ADGRL2: variants seen among roughly 807,000 people sequenced by gnomAD.
ADGRL2 encodes the protein calcium-independent alpha-latrotoxin receptor 2.
In ADGRL2, 44 loss-of-function variants were observed where a neutral mutation model predicts 157.4. The observed-to-expected ratio is 0.28, with a 90% CI of 0.22 to 0.36. The LOEUF (loss-of-function observed/expected upper bound fraction) is 0.36, where lower values mean the gene tolerates loss of function less well. ADGRL2 is among the 10% of genes least tolerant of loss of function. The pLI, the probability that ADGRL2 is intolerant of heterozygous loss-of-function variation, is 1.00. For synonymous variants in ADGRL2, 585 were observed against 624.7 expected, an observed-to-expected ratio of 0.94 and a Z score of 0.95; for missense variants, 1,510 against 1,768.9, an observed-to-expected ratio of 0.85 and a Z score of 2.63.
At chr1:81,715,545 G>C (rs1203627701) in intron 1 of ADGRL2, among the ~76,000 whole-genome samples, 1 of 152,120 alleles carries the variant, frequency 6.6e-6, no homozygotes, top group African/African-American at 2.4e-5. Context: ...CTGGACATAA[G>C]AAAAGGAGGC....
intron 2 of ADGRL2, chr1:81,502,608 A>G: frequency 6.2e-6 from 10 of 1,614,006 alleles, no homozygotes; most frequent in Non-Finnish European, 7.6e-6. Context: ...GAGATCACCA[A>G]AGGCCTAAAC....
intron 1 of ADGRL2, among the ~76,000 whole-genome samples, chr1:81,378,031 T>C (rs1456060124): frequency 6.6e-6 from 1 of 151,928 alleles, no homozygotes; most frequent in Non-Finnish European, 1.5e-5. Flanking sequence ...ATACAAAAAT[T>C]AGCTGGGCGT....
intron 3 of ADGRL2, among the ~76,000 whole-genome samples, chr1:81,680,753 T>C (rs558754965): frequency 1.6e-4 from 25 of 152,220 alleles, no homozygotes; most frequent in Non-Finnish European, 2.9e-4. Context: ...AAGGGGCAAG[T>C]ATGAAAATAT....
intron 3 of ADGRL2, among the ~76,000 whole-genome samples, chr1:81,682,103 A>ATGTG (rs57943530): frequency 0.018 from 2,701 of 148,024 alleles, 51 homozygotes; most frequent in African/African-American, 0.052. Context: ...ATACATATAT[A>ATGTG]TGTGTGTGTG....
chr1:81,582,244 A>T (rs2080931565), intron 3 of ADGRL2, among the ~76,000 whole-genome samples: 1 of 152,034 alleles, frequency 6.6e-6, no homozygotes, highest in African/African-American at 2.4e-5. Context: ...TTTTAGTTAA[A>T]AATATGTTAA....
chr1:81,764,398 T>C (rs1403594687), intron 2 of ADGRL2, among the ~76,000 whole-genome samples: 2 of 152,164 alleles, frequency 1.3e-5, no homozygotes, highest in African/African-American at 4.8e-5. Flanking sequence ...AGTTATATCT[T>C]ACTGTCTTGA....
chr1:81,811,915 G>A (rs958123097), intron 1 of ADGRL2, among the ~76,000 whole-genome samples: 10 of 151,362 alleles, frequency 6.6e-5, no homozygotes, highest in Non-Finnish European at 1.3e-4. Context: ...CTGGTGCTGT[G>A]TAAGCAAGGT....
At chr1:81,786,454 T>C (rs1311799204) in intron 2 of ADGRL2, among the ~76,000 whole-genome samples, 1 of 152,078 alleles carries the variant, frequency 6.6e-6, no homozygotes, top group African/African-American at 2.4e-5. Flanking sequence ...TGCACACCTA[T>C]AATCCCAGCT....
chr1:81,487,478 C>T (rs922707451), intron 2 of ADGRL2, among the ~76,000 whole-genome samples: 1 of 152,054 alleles, frequency 6.6e-6, no homozygotes, highest in African/African-American at 2.4e-5. Flanking sequence ...AACCACGTCT[C>T]TACTAAAAAT....
chr1:81,614,482 T>C (rs2081603534), intron 3 of ADGRL2, among the ~76,000 whole-genome samples: 1 of 152,176 alleles, frequency 6.6e-6, no homozygotes, highest in Non-Finnish European at 1.5e-5. Context: ...CTCTTCTTTA[T>C]TGCATAGAAA....
chr1:81,610,680 C>A (rs922545530), intron 3 of ADGRL2, among the ~76,000 whole-genome samples: 2 of 152,036 alleles, frequency 1.3e-5, no homozygotes, highest in Non-Finnish European at 2.9e-5. Context: ...ACTTAGGAAG[C>A]TTTTGTGGTC....
intron 1 of ADGRL2, among the ~76,000 whole-genome samples, chr1:81,821,632 A>C (rs954466673): frequency 6.6e-6 from 1 of 152,188 alleles, no homozygotes; most frequent in Non-Finnish European, 1.5e-5. Context: ...TAAAGTAGAA[A>C]TAAAATCTAA....
At chr1:81,947,897 A>AT (rs1650392775) in intron 6 of ADGRL2, among the ~76,000 whole-genome samples, 1 of 152,150 alleles carries the variant, frequency 6.6e-6, no homozygotes, top group African/African-American at 2.4e-5. Context: ...GAATAAGTTG[A>AT]TTCCCTTTAA....
Position 81,966,086 on chromosome 1 carries a change from A to C in ADGRL2, c.2046A>C (p.Glu682Asp). 1 of 1,614,056 alleles carries C rather than the reference A, an allele frequency of 6.2e-7. No individual in the cohort carries two copies. The highest frequency in any genetic ancestry group is 8.5e-7 in the Non-Finnish European group (1 of 1,179,948). The change falls in exon 12 of 24, where the codon GAA becomes GAC. Residue 682 changes from glutamate to aspartate, a missense_variant. Around this residue, in one of 4 missense-constraint regions of ADGRL2, gnomAD observed 325 missense variants for 333.2 expected, o/e 0.98. Transcript: ENST00000686636. ...IVLEVAVLST[E>D]GQIQDFKFPL... is the part of the protein sequence containing the mutation. ...TGGAAGTTGCCGTACTCAGTACAGA[A>C]GGACAGATCCAAGACTTTAAATTTC...
At chr1:81,832,475 G>GT (rs1221349607) in intron 1 of ADGRL2, among the ~76,000 whole-genome samples, 2 of 152,144 alleles carry the variant, frequency 1.3e-5, no homozygotes, top group East Asian at 1.9e-4. Flanking sequence ...TCCTCAGGCA[G>GT]TTTTTTTGAA....
intron 1 of ADGRL2, among the ~76,000 whole-genome samples, chr1:81,351,541 C>G (rs1321227441): frequency 6.6e-6 from 1 of 151,690 alleles, no homozygotes; most frequent in Admixed American, 6.6e-5. Flanking sequence ...TGAAGAAACC[C>G]TATTAAATGG....
At chr1:81,392,268 A>T (rs181598340) in intron 1 of ADGRL2, among the ~76,000 whole-genome samples, 1 of 152,244 alleles carries the variant, frequency 6.6e-6, no homozygotes, top group East Asian at 1.9e-4. Flanking sequence ...GAGCTTAAAA[A>T]GAAACCTCCT....
chr1:81,401,034 A>G (rs903938719), intron 1 of ADGRL2, among the ~76,000 whole-genome samples: 2 of 152,146 alleles, frequency 1.3e-5, no homozygotes, highest in African/African-American at 4.8e-5. Context: ...TGAACAGCTC[A>G]GGTACTATTT....
intron 1 of ADGRL2, among the ~76,000 whole-genome samples, chr1:81,434,668 T>G (rs752748512): frequency 2.6e-5 from 4 of 152,202 alleles, no homozygotes; most frequent in Non-Finnish European, 4.4e-5. Flanking sequence ...TATGATTTAT[T>G]TAAATATATT....
Sources: allele counts gnomAD v4.1 joint callset (sites outside exome capture counted in the v4.1 genomes callset), GRCh38; gene constraint gnomAD v4.1.1; regional missense constraint gnomAD v4.1.1; transcripts MANE v1.5; gene names NCBI Gene and HGNC (gene_info 2026-07-23, HGNC 2026-07-21).